DYRK3: variants seen among roughly 807,000 people sequenced by gnomAD.
DYRK3 encodes the protein dual specificity tyrosine-phosphorylation-regulated kinase 3.
Under a neutral mutation model 40.8 loss-of-function variants are expected in DYRK3, and 30 were observed. That is an observed-to-expected ratio of 0.74 (90% CI 0.55 to 1.00). The LOEUF is 1.00. Among genes scored for constraint, DYRK3 ranks in the 50% least tolerant of loss-of-function variants. The pLI, the probability that DYRK3 is intolerant of heterozygous loss-of-function variation, is 0.00. For synonymous variants in DYRK3, 272 were observed against 260.7 expected (o/e 1.04, Z -0.42); for missense variants, 699 against 731.5 (o/e 0.96, Z 0.51).
At chr1:206,645,576 T>C (rs1671428249) in intron 2 of DYRK3, among the ~76,000 whole-genome samples, 1 of 152,126 alleles carries the variant, frequency 6.6e-6, no homozygotes, top group African/African-American at 2.4e-5. Context: ...TGCAGTAGCG[T>C]GATCTTGGCT....
chr1:206,649,298 A>T lies in DYRK3; in HGVS notation c.*333A>T. 4.6e-6 allele frequency: 1 copy of T among 219,736 alleles called. No homozygotes were observed. Among genetic ancestry groups the T allele is most frequent in the Non-Finnish European group, 9.2e-6 (1 of 108,980 alleles). 13.6% of individuals were successfully genotyped at this position (219,736 alleles called of 1,614,324 possible). ...AAGGTGTAGCAAAAGTATCCCAACT[A>T]CTCCTCGCTTCTAGTGTCCCTCGGC... On this transcript the variant is annotated 3_prime_UTR_variant, in exon 3 of 3. Coordinates refer to ENST00000367109, the MANE Select transcript of DYRK3 (RefSeq NM_003582.4).
chr1:206,648,753 C>T lies in DYRK3; in HGVS notation c.1555C>T (p.His519Tyr), dbSNP rs782102407. 2 of 1,614,076 alleles carry T rather than the reference C, an allele frequency of 1.2e-6. No individual in the cohort carries two copies. The highest frequency in any genetic ancestry group is 1.3e-5 in the African/African-American group (1 of 75,040). ...CTTGACCCCAGCTCAAGCATTAAGA[C>T]ACCCTTGGATTAGCAAGTCTGTCCC... ...ARLTPAQALRHPWISKSVPRP... is the reference protein window; with the variant it reads ...ARLTPAQALRYPWISKSVPRP... Residue 519 changes from histidine to tyrosine, a missense_variant, in exon 3 of 3, where the codon CAC becomes TAC. Transcript: ENST00000367109.
At chr1:206,638,075 G>T (rs543790162) in intron 2 of DYRK3, among the ~76,000 whole-genome samples, 44 of 152,104 alleles carry the variant, frequency 2.9e-4, no homozygotes, top group Middle Eastern at 6.8e-3. Context: ...TATTACAAAG[G>T]CTCCTTTTAA....
chr1:206,648,266 T>G lies in DYRK3; in HGVS notation c.1068T>G (p.Phe356Leu). 6.2e-7 allele frequency: 1 copy of G among 1,614,144 alleles called. No homozygotes were observed. The highest frequency in any genetic ancestry group is 8.5e-7 in the Non-Finnish European group (1 of 1,180,036). The change falls in exon 3 of 3, where the codon TTT becomes TTG. Residue 356 changes from phenylalanine to leucine, a missense_variant. Coordinates refer to ENST00000367109, the MANE Select transcript of DYRK3 (RefSeq NM_003582.4). The part of the protein sequence containing the change: ...HGRSSTKVID[F>L]GSSCFEYQKL... ...GCAGTTCAACCAAGGTCATTGACTT[T>G]GGGTCCAGCTGTTTCGAGTACCAGA...
At chr1:206,636,947 A>G (rs1317049247) in intron 1 of DYRK3, 1 of 1,612,298 alleles carries the variant, frequency 6.2e-7, no homozygotes. Context: ...ACCATCCACC[A>G]GAAAATGAAG....
chr1:206,641,289 G>A (rs184118497), intron 2 of DYRK3, among the ~76,000 whole-genome samples: 26 of 152,024 alleles, frequency 1.7e-4, no homozygotes, highest in Non-Finnish European at 3.4e-4. Context: ...CCCTTTCATC[G>A]TCTTCATAGC....
rs556718022 is a variant in DYRK3, at chr1:206,644,031, CT to C, written c.190-3336del. On this transcript the variant is annotated intron_variant, in intron 2 of 2. Transcript: ENST00000367109. ...TCAGGAAGGCAACAGGGACCTACAG[CT>C]TTTTTTTTTTTTTTTTTTTTGAGAA... Among the ~76,000 whole-genome samples the C allele has an allele frequency of 5.8e-3, 590 of 101,044 alleles. 3 individuals carry two copies. The highest frequency in any genetic ancestry group is 0.019 in the African/African-American group (514 of 26,442). The allele number at this position is 101,044 out of a possible 152,430, so 66.3% of individuals were successfully genotyped here.
At position 206,647,525 on chromosome 1, in the gene DYRK3, A is replaced by G. The variant is rs782704976; in HGVS notation, c.327A>G (p.Glu109=). The G allele has an allele frequency of 1.9e-6, 3 of 1,614,196 alleles. No individual in the cohort carries two copies. Among genetic ancestry groups the G allele is most frequent in the Non-Finnish European group, 1.7e-6 (2 of 1,180,040 alleles). Residue 109 remains glutamate, a synonymous_variant, in exon 3 of 3, where the codon GAA becomes GAG. Coordinates refer to ENST00000367109, the MANE Select transcript of DYRK3 (RefSeq NM_003582.4). ...TIQSDGISDS[E]KCSPTVSQGK... ...AGTCAGATGGCATCAGTGACTCTGA[A>G]AAATGCTCTCCTACTGTTTCTCAGG...
intron 2 of DYRK3, among the ~76,000 whole-genome samples, chr1:206,644,912 G>C (rs1553419863): frequency 6.6e-6 from 1 of 152,186 alleles, no homozygotes; most frequent in East Asian, 1.9e-4. Context: ...GTATCAGAGA[G>C]ACTATATGTA....
Position 206,653,980 on chromosome 1 carries a change from C to G in DYRK3, c.*5015C>G, listed in dbSNP as rs1671694149. Among the ~76,000 whole-genome samples the G allele has an allele frequency of 6.6e-6, 1 of 152,242 alleles. No individual in the cohort carries two copies. Among genetic ancestry groups the G allele is most frequent in the South Asian group, 2.1e-4 (1 of 4,836 alleles). On this transcript the variant is annotated 3_prime_UTR_variant, in exon 3 of 3. Transcript: ENST00000367109. ...AAAAATAAAAATTTCTACTGTGAAA[C>G]TATTTCAATCTGTAGCAGCTGGTCA...
At chr1:206,639,269 G>A (rs1671208328) in intron 2 of DYRK3, among the ~76,000 whole-genome samples, 1 of 152,164 alleles carries the variant, frequency 6.6e-6, no homozygotes, top group Admixed American at 6.5e-5. Context: ...CCTTTTTGGA[G>A]TGTAGTGGGG....
rs1490137249 is a variant in DYRK3 at position 206,652,504 on chromosome 1, A to G, written c.*3539A>G. Reference sequence around the variant, plus strand: ...ATAGACAACTCATTACACTGTAGACAGATTTTAGAAAGCTACAGGAAGGCA... The same window carrying G: ...ATAGACAACTCATTACACTGTAGACGGATTTTAGAAAGCTACAGGAAGGCA... On this transcript the variant is annotated 3_prime_UTR_variant, in exon 3 of 3. Coordinates refer to ENST00000367109, the MANE Select transcript of DYRK3 (RefSeq NM_003582.4). Among the ~76,000 whole-genome samples the G allele has an allele frequency of 1.3e-5, 2 of 152,226 alleles. No individual in the cohort carries two copies. The highest frequency in any genetic ancestry group is 2.4e-5 in the African/African-American group (1 of 41,464).
chr1:206,646,160 A>G (rs1671447987), intron 2 of DYRK3, among the ~76,000 whole-genome samples: 1 of 152,180 alleles, frequency 6.6e-6, no homozygotes, highest in East Asian at 1.9e-4. Flanking sequence ...AAAAAATTTT[A>G]TTTTTTAAGG....
chr1:206,644,018 C>A (rs1313872000), intron 2 of DYRK3, among the ~76,000 whole-genome samples: 2 of 141,710 alleles, frequency 1.4e-5, no homozygotes. Context: ...AGGAAGGCAA[C>A]AGGGACCTAC....
Position 206,648,228 on chromosome 1 carries a change from A to G in DYRK3, c.1030A>G (p.Lys344Glu), listed in dbSNP as rs1553420611. ...TCTGAAGCCAGAAAACATTCTCCTG[A>G]AACACCACGGGCGCAGTTCAACCAA... ...CDLKPENILLKHHGRSSTKVI... is the reference protein window; with the variant it reads ...CDLKPENILLEHHGRSSTKVI... Residue 344 changes from lysine to glutamate, a missense_variant, in exon 3 of 3, where the codon AAA becomes GAA. Lys to Glu is a moderately conservative substitution (Grantham distance 56, BLOSUM62 1). Transcript: ENST00000367109. 1.2e-6 allele frequency: 2 copies of G among 1,614,176 alleles called. No individual in the cohort carries two copies. The highest frequency in any genetic ancestry group is 2.2e-5 in the South Asian group (2 of 91,082).
At chr1:206,647,331 G>A (rs1265882383) in intron 2 of DYRK3, 57 bp from the exon 3 acceptor site, 1 of 1,485,978 alleles carries the variant, frequency 6.7e-7, no homozygotes, top group Middle Eastern at 1.8e-4. Context: ...GGAGGAGGGA[G>A]GATTCTTCCA....
chr1:206,635,775 G>C lies in DYRK3; in HGVS notation c.72G>C (p.Gln24His). ...GPPGAGLPPQ[Q>H]RRLGDGVYDT... ...CTGGGGCCGGGCTCCCGCCCCAGCA[G>C]CGGAGGTAACGGCGCCACGGGGTAA... Residue 24 changes from glutamine to histidine, a missense_variant, in exon 1 of 3, where the codon CAG (glutamine) becomes CAC (histidine). By Grantham distance (24) the Gln-to-His change is conservative. Transcript: ENST00000367109. 1 of 1,244,492 alleles carries C rather than the reference G, an allele frequency of 8.0e-7. No individual in the cohort carries two copies. 77.1% of individuals were successfully genotyped at this position (1,244,492 alleles called of 1,614,324 possible).
chr1:206,640,133 A>G (rs1376995900), intron 2 of DYRK3, among the ~76,000 whole-genome samples: 3 of 151,562 alleles, frequency 2.0e-5, no homozygotes, highest in African/African-American at 4.8e-5. Context: ...ATGGGGTTTC[A>G]CCATGTTGGC....
At chr1:206,639,363 ATCAGATTGC>A (rs1553418923) in intron 2 of DYRK3, among the ~76,000 whole-genome samples, 4 of 152,092 alleles carry the variant, frequency 2.6e-5, no homozygotes, top group Non-Finnish European at 1.5e-5. Context: ...TGTGTTGCCC[ATCAGATTGC>A]TTGGTTACTT....
Sources: allele counts gnomAD v4.1 joint callset (sites outside exome capture counted in the v4.1 genomes callset), GRCh38; gene constraint gnomAD v4.1.1; transcripts MANE v1.5; gene names NCBI Gene and HGNC (gene_info 2026-07-23, HGNC 2026-07-21).